Variants in STIM1 observed in about 807,000 individuals in gnomAD.
STIM1 encodes the protein stromal interaction molecule 1.
A neutral mutation model predicts 74.7 loss-of-function variants in STIM1; 25 were observed. The ratio of observed to expected loss-of-function variants is 0.33; its 90% CI spans 0.24 to 0.47. The LOEUF is 0.47. Among genes scored for constraint, STIM1 ranks in the 20% least tolerant of loss-of-function variants. The pLI is 1.00. For missense variants in STIM1, 728 were observed against 920.8 expected (o/e 0.79, Z 2.71); for synonymous variants, 328 against 348.8 (o/e 0.94, Z 0.66).
At chr11:3,990,745 TCTTCTTTAGAGAAA>T (rs1230242328) in intron 2 of STIM1, among the ~76,000 whole-genome samples, 1 of 152,244 alleles carries the variant, frequency 6.6e-6, no homozygotes, top group Non-Finnish European at 1.5e-5. Flanking sequence ...TATTTGTATA[TCTTCTTTAGAGAAA>T]TATTTTCTCA....
intron 1 of STIM1, among the ~76,000 whole-genome samples, chr11:3,878,181 A>G (rs116059836): frequency 5.3e-5 from 8 of 152,138 alleles, no homozygotes; most frequent in African/African-American, 1.9e-4. Flanking sequence ...GATCTCACAT[A>G]TGGTCTGGGG....
chr11:4,014,892 C>T (rs950152042), intron 2 of STIM1, among the ~76,000 whole-genome samples: 2 of 152,118 alleles, frequency 1.3e-5, no homozygotes, highest in South Asian at 2.1e-4. Flanking sequence ...TTATTGCTTT[C>T]CATTAGCTTG....
chr11:4,009,448 A>G (rs886341692), intron 2 of STIM1, among the ~76,000 whole-genome samples: 89 of 152,050 alleles, frequency 5.9e-4, no homozygotes, highest in African/African-American at 2.0e-3. Context: ...CCCTGCCTCC[A>G]CTAAAAACAC....
At position 3,984,728 on chromosome 11, in the gene STIM1, A is replaced by G. The variant is rs777914442; in HGVS notation, c.270+17046A>G. Among the ~76,000 whole-genome samples, 2 of 152,244 alleles carry G rather than the reference A, an allele frequency of 1.3e-5. 1 individual carries two copies. The highest frequency in any genetic ancestry group is 4.1e-4 in the South Asian group (2 of 4,834). On this transcript the variant is annotated intron_variant, in intron 2 of 12. Transcript: ENST00000526596. ...GGAGTCCAACCTGGGTTCAAATCCA[A>G]ACCTTGCAATGTACTAAATATATGG...
At chr11:3,856,991 T>C (rs996551257) in intron 1 of STIM1, among the ~76,000 whole-genome samples, 1 of 151,866 alleles carries the variant, frequency 6.6e-6, no homozygotes, top group Admixed American at 6.6e-5. Flanking sequence ...ACAACTAGGG[T>C]GTTAAATGGC....
At chr11:3,908,042 T>A (rs2092496384) in intron 1 of STIM1, among the ~76,000 whole-genome samples, 1 of 152,190 alleles carries the variant, frequency 6.6e-6, no homozygotes, top group South Asian at 2.1e-4. Context: ...TTTATCACCA[T>A]CTGGCATATT....
chr11:3,922,815 AG>A (rs1306657823), intron 1 of STIM1: 2 of 152,164 alleles, frequency 1.3e-5, no homozygotes, highest in Non-Finnish European at 2.9e-5. Flanking sequence ...AACTCTTTGC[AG>A]GCCAGGTGCG....
Position 4,049,715 on chromosome 11 carries a change from AACACACACACACACACACACAC to A in STIM1, c.386-5783_386-5762del, listed in dbSNP as rs748609546. Reference sequence around the variant, plus strand: ...GTTGTATACACAACCCCCCTGCCCAAACACACACACACACACACACACACACACACACACACACACACACACA... The same window carrying A: ...GTTGTATACACAACCCCCCTGCCCAAACACACACACACACACACACACACA... On this transcript the variant is annotated intron_variant, in intron 3 of 12. Coordinates refer to ENST00000526596, the MANE Select transcript of STIM1 (RefSeq NM_001382567.1). 22 of 101,416 alleles carry A rather than the reference AACACACACACACACACACACAC, an allele frequency of 2.2e-4. 1 individual carries two copies. Among genetic ancestry groups the A allele is most frequent in the African/African-American group, 6.7e-4 (19 of 28,552 alleles). The allele number at this position is 101,416 out of a possible 1,614,324, so 6.3% of individuals were successfully genotyped here.
chr11:3,943,022 C>T (rs1424819018), intron 1 of STIM1, among the ~76,000 whole-genome samples: 2 of 152,142 alleles, frequency 1.3e-5, no homozygotes, highest in Non-Finnish European at 2.9e-5. Flanking sequence ...TTAAAGCAAC[C>T]AGGGTTATAT....
rs1440464349 is a variant in STIM1 at position 4,001,651 on chromosome 11, A to G, written c.271-22222A>G. Among the ~76,000 whole-genome samples the G allele has an allele frequency of 3.9e-5, 6 of 152,334 alleles. No individual in the cohort carries two copies. The East Asian group carries it at 7.7e-4, about 20-fold the overall frequency. On this transcript the variant is annotated intron_variant, in intron 2 of 12. Transcript: ENST00000526596. ...AAAATCATACCAAAATGTAAAGACC[A>G]TTGAGATTAGGAAGAAACTGCATCA...
intron 12 of STIM1, 78 bp from the exon 13 acceptor site, chr11:4,091,204 C>G: frequency 2.5e-6 from 4 of 1,598,590 alleles, no homozygotes; most frequent in Non-Finnish European, 3.4e-6. Flanking sequence ...TCGTGTTGTC[C>G]CTCTCTCCTC....
chr11:3,913,414 T>G (rs2092596215), intron 1 of STIM1, among the ~76,000 whole-genome samples: 1 of 151,992 alleles, frequency 6.6e-6, no homozygotes, highest in Non-Finnish European at 1.5e-5. Context: ...TCTTGAACAC[T>G]TGGGCTCAAG....
At chr11:3,856,754 G>A (rs757572086) in intron 1 of STIM1, among the ~76,000 whole-genome samples, 1 of 152,290 alleles carries the variant, frequency 6.6e-6, no homozygotes, top group Admixed American at 6.5e-5. Flanking sequence ...TAAGTTCATT[G>A]CTCCTATTCG....
intron 1 of STIM1, among the ~76,000 whole-genome samples, chr11:3,889,443 C>T (rs1337176682): frequency 6.6e-6 from 1 of 151,054 alleles, no homozygotes. Context: ...TTTTGGCTCA[C>T]TGCAACCTTC....
Position 4,000,564 on chromosome 11 carries a change from T to A in STIM1, c.271-23309T>A, listed in dbSNP as rs1251262990. On this transcript the variant is annotated intron_variant, in intron 2 of 12. Coordinates refer to ENST00000526596, the MANE Select transcript of STIM1 (RefSeq NM_001382567.1). ...GGAAAACTAACAAACAGAAAGGACA[T>A]CCACACCAAAAACCCATCTGTACAT... is the stretch of plus-strand genomic sequence containing the variant. 2.0e-5 allele frequency among the ~76,000 whole-genome samples: 3 copies of A among 151,552 alleles called. No homozygotes were observed. The East Asian group carries it at 5.8e-4, about 29-fold the overall frequency.
In STIM1 at chr11:4,015,738, C is replaced by T. The variant is rs11030621; in HGVS notation, c.271-8135C>T. On this transcript the variant is annotated intron_variant, in intron 2 of 12. Transcript: ENST00000526596. ...TCCCATATTTCTTGGAAGCTTTGTTCGTTTCTTTTTACTTTTTTCTCTCAT... is the reference window on the plus strand; with the variant it reads ...TCCCATATTTCTTGGAAGCTTTGTTTGTTTCTTTTTACTTTTTTCTCTCAT... Among the ~76,000 whole-genome samples, 41 of 152,228 alleles carry T rather than the reference C, an allele frequency of 2.7e-4. No homozygotes were observed. In the East Asian group the frequency reaches 4.6e-3, roughly 17 times the overall value.
intron 1 of STIM1, among the ~76,000 whole-genome samples, chr11:3,911,855 G>A (rs1264496114): frequency 2.6e-5 from 4 of 152,272 alleles, no homozygotes; most frequent in African/African-American, 9.6e-5. Flanking sequence ...TGCTTTGTAT[G>A]TGATTGCCAC....
At chr11:3,874,674 C>T (rs1387749310) in intron 1 of STIM1, among the ~76,000 whole-genome samples, 2 of 152,240 alleles carry the variant, frequency 1.3e-5, no homozygotes, top group African/African-American at 2.4e-5. Flanking sequence ...TTTCAGACTA[C>T]TCTGCCTCTC....
intron 1 of STIM1, chr11:3,947,286 A>G (rs903394738): frequency 4.6e-5 from 7 of 152,302 alleles, no homozygotes; most frequent in Non-Finnish European, 8.8e-5. Flanking sequence ...CAGGCCTGAC[A>G]GGTCATATTG....
Sources: gnomAD v4.1 joint callset for allele counts (sites outside exome capture counted in the v4.1 genomes callset) on GRCh38, gnomAD v4.1.1 for gene constraint, MANE v1.5 for transcripts, NCBI Gene and HGNC (gene_info 2026-07-23, HGNC 2026-07-21) for gene names.